The following MATCAP2 variants were observed in gnomAD, a reference collection of about 807,000 sequenced individuals.
MATCAP2 encodes the protein microtubule associated tyrosine carboxypeptidase 2.
the MATCAP2 span, among the ~76,000 whole-genome samples, chr7:36,379,845 C>CAGAGAGAG: frequency 8.0e-6 from 1 of 125,418 alleles, no homozygotes; most frequent in Non-Finnish European, 1.7e-5. Context: ...CACACACACA[C>CAGAGAGAG]ACAGAGAGAG....
At chr7:36,364,137 G>C in the MATCAP2 span, among the ~76,000 whole-genome samples, 1 of 150,418 alleles carries the variant, frequency 6.6e-6, no homozygotes, top group South Asian at 2.1e-4. Context: ...GCCAAGGCTG[G>C]AGTGCAGTGG....
At chr7:36,377,040 T>C in the MATCAP2 span, among the ~76,000 whole-genome samples, 31 of 152,374 alleles carry the variant, frequency 2.0e-4, no homozygotes, top group African/African-American at 6.3e-4. Flanking sequence ...CTGATGGGTC[T>C]TAACTCTTTA....
At chr7:36,327,445 T>C in the MATCAP2 span, among the ~76,000 whole-genome samples, 1 of 152,334 alleles carries the variant, frequency 6.6e-6, no homozygotes, top group East Asian at 1.9e-4. Flanking sequence ...TAAAAGATTA[T>C]TTTAAAAAGT....
At chr7:36,352,530 T>C in the MATCAP2 span, among the ~76,000 whole-genome samples, 9 of 151,418 alleles carry the variant, frequency 5.9e-5, no homozygotes, top group Admixed American at 5.9e-4. Flanking sequence ...TGTTTTATTA[T>C]TAGAAAGACA....
chr7:36,376,832 T>G, the MATCAP2 span, among the ~76,000 whole-genome samples: 3 of 152,258 alleles, frequency 2.0e-5, no homozygotes, highest in African/African-American at 7.2e-5. Context: ...ATTGATCCTT[T>G]TACCATTATG....
chr7:36,383,945 AT>A, the MATCAP2 span: 7 of 1,482,554 alleles, frequency 4.7e-6, no homozygotes, highest in East Asian at 1.2e-4. Flanking sequence ...AAATAAAAAG[AT>A]TTGTGTTATT....
the MATCAP2 span, among the ~76,000 whole-genome samples, chr7:36,350,521 G>A: frequency 0.022 from 3,097 of 138,924 alleles, 50 homozygotes; most frequent in Middle Eastern, 0.053. Flanking sequence ...TGGCCTGGAC[G>A]GACTGTGTTC....
At chr7:36,352,889 C>T in the MATCAP2 span, among the ~76,000 whole-genome samples, 1 of 151,800 alleles carries the variant, frequency 6.6e-6, no homozygotes, top group Admixed American at 6.6e-5. Flanking sequence ...TCATCAGAAC[C>T]TCTGCTTGCT....
chr7:36,378,210 G>C, the MATCAP2 span, among the ~76,000 whole-genome samples: 1 of 152,172 alleles, frequency 6.6e-6, no homozygotes, highest in African/African-American at 2.4e-5. Context: ...CAGCTTTTCT[G>C]CTCTGGTTTC....
At chr7:36,380,790 C>G in the MATCAP2 span, among the ~76,000 whole-genome samples, 1 of 152,192 alleles carries the variant, frequency 6.6e-6, no homozygotes. Context: ...AGTGCAGTGG[C>G]ACGGTCTCGG....
chr7:36,387,042 A>G, the MATCAP2 span, among the ~76,000 whole-genome samples: 3 of 152,232 alleles, frequency 2.0e-5, no homozygotes, highest in Non-Finnish European at 4.4e-5. Flanking sequence ...GTATATTTGT[A>G]TAATAAAATT....
chr7:36,358,089 T>C, the MATCAP2 span, among the ~76,000 whole-genome samples: 1 of 151,886 alleles, frequency 6.6e-6, no homozygotes, highest in Admixed American at 6.6e-5. Flanking sequence ...TCCCAGCTAC[T>C]CAGGAGGCTG....
chr7:36,332,794 G>A, the MATCAP2 span, among the ~76,000 whole-genome samples: 24 of 152,288 alleles, frequency 1.6e-4, no homozygotes, highest in South Asian at 4.1e-4. Context: ...GGGCATATTG[G>A]TGCATGCCTT....
the MATCAP2 span, among the ~76,000 whole-genome samples, chr7:36,339,675 A>G: frequency 6.6e-6 from 1 of 152,242 alleles, no homozygotes; most frequent in Admixed American, 6.5e-5. Flanking sequence ...ACACTAACCT[A>G]ATAGTCACCA....
the MATCAP2 span, among the ~76,000 whole-genome samples, chr7:36,344,732 T>C: frequency 6.6e-6 from 1 of 152,350 alleles, no homozygotes; most frequent in Admixed American, 6.5e-5. Flanking sequence ...TTTTCTATAA[T>C]AGATTTTTAG....
the MATCAP2 span, among the ~76,000 whole-genome samples, chr7:36,381,337 G>T: frequency 6.6e-6 from 1 of 152,044 alleles, no homozygotes; most frequent in Admixed American, 6.6e-5. Flanking sequence ...GGAGGAGAAG[G>T]TCAGTACAGT....
the MATCAP2 span, chr7:36,367,412 G>T: frequency 1.3e-6 from 1 of 775,328 alleles, no homozygotes; most frequent in Non-Finnish European, 1.4e-6. Context: ...GAGCGCGCTG[G>T]GGTCTCCAGC....
At chr7:36,350,375 G>A in the MATCAP2 span, among the ~76,000 whole-genome samples, 1 of 152,068 alleles carries the variant, frequency 6.6e-6, no homozygotes, top group South Asian at 2.1e-4. Context: ...ACTGTTTTCA[G>A]AGGATCACAT....
chr7:36,383,917 C>CCTTTT, the MATCAP2 span: 1 of 1,578,130 alleles, frequency 6.3e-7, no homozygotes, highest in Non-Finnish European at 8.6e-7. Flanking sequence ...TAGGTCTTGG[C>CCTTTT]CTTTTCTCTC....
Sources: gnomAD v4.1 joint callset for allele counts (sites outside exome capture counted in the v4.1 genomes callset) on GRCh38, gnomAD v4.1.1 for gene constraint, MANE v1.5 for transcripts, NCBI Gene and HGNC (gene_info 2026-07-23, HGNC 2026-07-21) for gene names.